The following OIT3 variants were observed in gnomAD, a reference collection of about 807,000 sequenced individuals.
The protein encoded by OIT3 is oncoprotein induced transcript 3, also known as oncoprotein-induced transcript 3 protein.
In OIT3, 41 loss-of-function variants were observed where a neutral mutation model predicts 52.2. The observed-to-expected ratio is 0.79, with a 90% CI of 0.61 to 1.02. The LOEUF is 1.02. OIT3 is among the 50% of genes least tolerant of loss of function. OIT3 has a pLI of 0.00. For synonymous variants in OIT3, 244 were observed against 276.9 expected, an observed-to-expected ratio of 0.88 and a Z score of 1.18; for missense variants, 634 against 715.5, an observed-to-expected ratio of 0.89 and a Z score of 1.30.
chr10:72,913,532 C>T, intron 6 of OIT3, 64 bp downstream of exon 6: 2 of 1,284,486 alleles, frequency 1.6e-6, no homozygotes, highest in Middle Eastern at 1.9e-4. Flanking sequence ...AGGCAGTGGA[C>T]AGAGGTATGC....
chr10:72,898,517 C>G, intron 1 of OIT3, 147 bp from the exon 2 acceptor site: 3 of 713,860 alleles, frequency 4.2e-6, no homozygotes, highest in Non-Finnish European at 7.0e-6. Flanking sequence ...ACCTGAGGAA[C>G]CTTAAACAGC....
chr10:72,912,951 T>C (rs1484960392), intron 5 of OIT3, among the ~76,000 whole-genome samples: 2 of 152,160 alleles, frequency 1.3e-5, no homozygotes, highest in Non-Finnish European at 2.9e-5. Context: ...TAGGCCTATA[T>C]CAAAGCAGCA....
rs536250413 is a variant in OIT3 at position 72,924,558 on chromosome 10, C to G, written c.1281C>G (p.Ser427Arg). 2.5e-6 allele frequency: 4 copies of G among 1,614,114 alleles called. No individual in the cohort carries two copies. Among genetic ancestry groups the G allele is most frequent in the Middle Eastern group, 3.3e-4 (2 of 6,062 alleles). ...GCATTGAGCCCGTGGTGCACGTGAG[C>G]GGCTTGGAAAGCTTGGTGGAGAGCT... is the stretch of plus-strand genomic sequence containing the variant. ...YFGIEPVVHV[S>R]GLESLVESCF... Residue 427 changes from serine (S) to arginine (R), a missense_variant, in exon 7 of 9, where the codon AGC becomes AGG. Physicochemically the swap from Ser to Arg is moderately radical, Grantham distance 110. Transcript: ENST00000334011.
intron 4 of OIT3, among the ~76,000 whole-genome samples, chr10:72,907,490 C>G (rs1158803975): frequency 6.6e-6 from 1 of 152,198 alleles, no homozygotes; most frequent in Non-Finnish European, 1.5e-5. Flanking sequence ...CACTGGCCGA[C>G]AGCTGTGTTT....
At position 72,911,043 on chromosome 10, in the gene OIT3, A is replaced by G. The variant is rs571189663; in HGVS notation, c.668-674A>G. ...TGTAGATTCTTTTGTTTTCAATGGAATATTTTTCCTTTTTGTCCATTTGGC... is the reference window on the plus strand; with the variant it reads ...TGTAGATTCTTTTGTTTTCAATGGAGTATTTTTCCTTTTTGTCCATTTGGC... On this transcript the variant is annotated intron_variant, in intron 4 of 8. Coordinates refer to ENST00000334011, the MANE Select transcript of OIT3 (RefSeq NM_152635.3). 2.4e-4 allele frequency among the ~76,000 whole-genome samples: 37 copies of G among 152,252 alleles called. 1 individual carries two copies. The South Asian group carries it at 6.2e-3, about 26-fold the overall frequency.
intron 4 of OIT3, among the ~76,000 whole-genome samples, chr10:72,908,568 T>C (rs1210360468): frequency 6.6e-6 from 1 of 152,190 alleles, no homozygotes; most frequent in African/African-American, 2.4e-5. Flanking sequence ...TTATAATAAG[T>C]CTAAATGTAT....
intron 2 of OIT3, 64 bp from the exon 3 acceptor site, chr10:72,900,313 A>T: frequency 1.0e-6 from 1 of 956,744 alleles, no homozygotes; most frequent in Non-Finnish European, 1.6e-6. Flanking sequence ...ACCATCTCTA[A>T]AAAGAATGAA....
intron 8 of OIT3, among the ~76,000 whole-genome samples, chr10:72,931,503 A>G (rs1469465928): frequency 6.6e-6 from 1 of 152,130 alleles, no homozygotes; most frequent in Non-Finnish European, 1.5e-5. Context: ...CAAACAAAAC[A>G]AATTTTTAAG....
At chr10:72,927,412 T>A (rs1765580531) in intron 7 of OIT3, among the ~76,000 whole-genome samples, 1 of 152,196 alleles carries the variant, frequency 6.6e-6, no homozygotes, top group Non-Finnish European at 1.5e-5. Context: ...AGTGCTGGGA[T>A]TACAAACGTG....
At chr10:72,932,311 C>T (rs749162547) in intron 8 of OIT3, 43 bp from the exon 9 acceptor site, 1 of 1,577,112 alleles carries the variant, frequency 6.3e-7, no homozygotes, top group South Asian at 1.1e-5. Flanking sequence ...CCACAAGTGG[C>T]AGCAGTTATT....
Position 72,900,423 on chromosome 10 carries a change from T to C in OIT3, c.483T>C (p.Asp161=), listed in dbSNP as rs149115871. 245 of 1,612,856 alleles carry C rather than the reference T, an allele frequency of 1.5e-4. 1 individual carries two copies. Among genetic ancestry groups the C allele is most frequent in the Admixed American group, 2.2e-4 (13 of 60,018 alleles). ...CDEDCHGSCS[D]TSECTCAPGT... ...AGGACTGCCATGGCAGCTGCTCAGA[T>C]ACCAGCGAGTGCACATGCGCTCCAG... The change falls in exon 3 of 9, where the codon GAT becomes GAC. Residue 161 remains aspartate, a synonymous_variant. Transcript: ENST00000334011.
chr10:72,932,224 C>T (rs1478365016), intron 8 of OIT3, 130 bp from the exon 9 acceptor site: 2 of 826,366 alleles, frequency 2.4e-6, no homozygotes, highest in Non-Finnish European at 2.0e-6. Flanking sequence ...GGATGATAAA[C>T]TCTACTTGTG....
rs569603040 is a variant in OIT3 at position 72,912,634 on chromosome 10, C to T, written c.791-674C>T. On this transcript the variant is annotated intron_variant, in intron 5 of 8. Transcript: ENST00000334011. Reference sequence around the variant, plus strand: ...TCATCTAACAAATATGTAATGGGCACCTATTTTTGATTTCTTTGCACAATA... The same window carrying T: ...TCATCTAACAAATATGTAATGGGCATCTATTTTTGATTTCTTTGCACAATA... Among the ~76,000 whole-genome samples, 3 of 152,072 alleles carry T rather than the reference C, an allele frequency of 2.0e-5. No individual in the cohort carries two copies. The South Asian group carries it at 6.2e-4, about 32-fold the overall frequency.
At chr10:72,913,582 A>G in intron 6 of OIT3, 114 bp downstream of exon 6, 1 of 864,252 alleles carries the variant, frequency 1.2e-6, no homozygotes, top group Non-Finnish European at 1.9e-6. Context: ...TACACACAAA[A>G]GAACTGAGCT....
At position 72,900,442 on chromosome 10, in the gene OIT3, G is replaced by A. The variant is rs369081761; in HGVS notation, c.502G>A (p.Ala168Thr). The A allele has an allele frequency of 1.8e-5, 29 of 1,611,806 alleles. No individual in the cohort carries two copies. The highest frequency in any genetic ancestry group is 1.6e-4 in the Middle Eastern group (1 of 6,084). The change falls in exon 3 of 9, where the codon GCT (alanine) becomes ACT (threonine). Residue 168 changes from alanine (A) to threonine (T), a missense_variant. Transcript: ENST00000334011. Reference protein sequence around the residue: ...SCSDTSECTCAPGTVLGPDRQ... With the variant: ...SCSDTSECTCTPGTVLGPDRQ... ...CTCAGATACCAGCGAGTGCACATGC[G>A]CTCCAGGAACTGTGCTAGGCCCTGA... is the stretch of plus-strand genomic sequence containing the variant.
In OIT3 at chr10:72,924,298, G is replaced by A. The variant is rs776812775; in HGVS notation, c.1021G>A (p.Gly341Arg). ...GLPKQTPGSS[G>R]DFIIRTSKLL... ...ACCCAAGCAGACCCCGGGGAGCAGC[G>A]GGGACTTCATCATCCGAACCAGCAA... is the stretch of plus-strand genomic sequence containing the variant. Residue 341 changes from glycine to arginine, a missense_variant, in exon 7 of 9, where the codon GGG (glycine) becomes AGG (arginine). Gly to Arg is a moderately radical substitution (Grantham distance 125). Coordinates refer to ENST00000334011, the MANE Select transcript of OIT3 (RefSeq NM_152635.3). 6.8e-6 allele frequency: 11 copies of A among 1,613,848 alleles called. No individual in the cohort carries two copies. In the East Asian group the frequency reaches 1.1e-4, roughly 16 times the overall value.
At chr10:72,921,675 C>CTTTT (rs34710217) in intron 6 of OIT3, among the ~76,000 whole-genome samples, 2 of 133,366 alleles carry the variant, frequency 1.5e-5, no homozygotes, top group Non-Finnish European at 1.6e-5. Flanking sequence ...TTCTTTCTTT[C>CTTTT]TTTTTTTTTT....
rs1845980819 is a variant in OIT3, at chr10:72,906,581, G to A, written c.545-15G>A. On this transcript the variant is annotated splice_polypyrimidine_tract_variant and intron_variant, in intron 3 of 8. Coordinates refer to ENST00000334011, the MANE Select transcript of OIT3 (RefSeq NM_152635.3). The stretch of plus-strand genomic sequence containing the variant: ...CACTCAGCAGTATAGAAACAGTGTG[G>A]TTTCTCTTCTGCAGATGAAAATGAA... 6.2e-7 allele frequency: 1 copy of A among 1,613,848 alleles called. No homozygotes were observed. Among genetic ancestry groups the A allele is most frequent in the Non-Finnish European group, 8.5e-7 (1 of 1,179,840 alleles).
intron 5 of OIT3, 80 bp downstream of exon 5, chr10:72,911,919 A>G (rs1846032010): frequency 7.4e-7 from 1 of 1,344,096 alleles, no homozygotes; most frequent in South Asian, 1.5e-5. Context: ...TTCCTCCCCC[A>G]AGTGTGTCAG....
Sources: gnomAD v4.1 joint callset for allele counts (sites outside exome capture counted in the v4.1 genomes callset) on GRCh38, gnomAD v4.1.1 for gene constraint, MANE v1.5 for transcripts, NCBI Gene and HGNC (gene_info 2026-07-23, HGNC 2026-07-21) for gene names.